Variants in STRA6 observed in about 807,000 individuals in gnomAD.
The protein encoded by STRA6 is signaling receptor and transporter of retinol STRA6, also known as receptor for retinol uptake STRA6.
In STRA6, 48 loss-of-function variants were observed where a neutral mutation model predicts 83.6. That is an observed-to-expected ratio of 0.57 (90% confidence interval 0.46 to 0.73). The LOEUF is 0.73. Ranked by LOEUF, STRA6 falls within the 30% of genes least tolerant of loss-of-function variation. The pLI is 0.00. For missense variants in STRA6, 760 were observed against 838.8 expected (o/e 0.91, Z 1.16); for synonymous variants, 353 against 362.3 (o/e 0.97, Z 0.29).
rs765240920 is a variant in STRA6, at chr15:74,193,913, A to G, written c.607T>C (p.Tyr203His). ...ECPQVPKIYK[Y>H]YSLLASLPLL... is the part of the protein sequence containing the mutation. ...GGCAGGGAGGCCAGCAGGGAGTAGTACTTGTAGATCTGGACAGACAAACAC... is the reference window on the plus strand; with the variant it reads ...GGCAGGGAGGCCAGCAGGGAGTAGTGCTTGTAGATCTGGACAGACAAACAC... Residue 203 changes from tyrosine to histidine, a missense_variant, in exon 8 of 19, where the codon TAC becomes CAC. Coordinates refer to ENST00000395105, the MANE Select transcript of STRA6 (RefSeq NM_022369.4). 3 of 1,613,320 alleles carry G rather than the reference A, an allele frequency of 1.9e-6. No homozygotes were observed. Among genetic ancestry groups the G allele is most frequent in the Non-Finnish European group, 2.5e-6 (3 of 1,179,508 alleles).
At chr15:74,198,176 G>A (rs542330524) in intron 2 of STRA6, among the ~76,000 whole-genome samples, 80 of 151,574 alleles carry the variant, frequency 5.3e-4, no homozygotes, top group African/African-American at 1.6e-3. Context: ...GCTCGATCTC[G>A]GCTTACTGCA....
upstream of STRA6, among the ~76,000 whole-genome samples, chr15:74,211,208 T>G (rs1436200932): frequency 6.6e-6 from 1 of 151,482 alleles, no homozygotes; most frequent in Non-Finnish European, 1.5e-5. Context: ...CCCAAGAACA[T>G]TCCTTCCTAG....
At chr15:74,197,643 A>T in intron 3 of STRA6, 109 bp downstream of exon 3, 2 of 1,408,932 alleles carry the variant, frequency 1.4e-6, no homozygotes, top group Non-Finnish European at 2.0e-6. Flanking sequence ...AGCTCCCCCC[A>T]CCCAGGATCT....
intron 12 of STRA6, among the ~76,000 whole-genome samples, chr15:74,186,941 G>A (rs946036073): frequency 1.2e-4 from 18 of 152,346 alleles, no homozygotes; most frequent in African/African-American, 4.3e-4. Context: ...AGAAACCTAG[G>A]CCCTTCTGCT....
In STRA6 at chr15:74,182,204, C is replaced by G. The variant is rs779317989; in HGVS notation, c.1477G>C (p.Val493Leu). 6.2e-7 allele frequency: 1 copy of G among 1,614,172 alleles called. No homozygotes were observed. The highest frequency in any genetic ancestry group is 8.5e-7 in the Non-Finnish European group (1 of 1,180,010). ...VILQNMAAHW[V>L]FLETHDGHPQ... The stretch of plus-strand genomic sequence containing the variant: ...TGTCCATCATGAGTCTCCAGGAAGA[C>G]CCAATGGGCTGCCATGTTCTGCAGG... The change falls in exon 16 of 19, where the codon GTC becomes CTC. Residue 493 changes from valine to leucine, a missense_variant. Physicochemically the swap from Val to Leu is conservative, Grantham distance 32 (BLOSUM62 1). Transcript: ENST00000395105.
At chr15:74,198,140 T>C (rs1355574102) in intron 2 of STRA6, among the ~76,000 whole-genome samples, 1 of 151,476 alleles carries the variant, frequency 6.6e-6, no homozygotes, top group Non-Finnish European at 1.5e-5. Context: ...AGGGTCTTGC[T>C]CTGTCACCCA....
chr15:74,189,372 C>G lies in STRA6; in HGVS notation c.928-95G>C, dbSNP rs969790778. 6 of 1,507,418 alleles carry G rather than the reference C, an allele frequency of 4.0e-6. No individual in the cohort carries two copies. In the African/African-American group the frequency reaches 8.3e-5, roughly 21 times the overall value. The allele number at this position is 1,507,418 out of a possible 1,614,324, so 93.4% of individuals were successfully genotyped here. A position where few individuals can be genotyped will look rare whatever the true frequency, so the allele number is the denominator to read the frequency against. ...GGAAGAAACTGGCAGCACACAGGCC[C>G]CAGCCACATGCCCATTGCCCATCAG... On this transcript the variant is annotated intron_variant, in intron 11 of 18. Transcript: ENST00000395105.
At chr15:74,197,528 T>G (rs1303246291) in intron 3 of STRA6, 105 bp from the exon 4 acceptor site, 8 of 1,123,306 alleles carry the variant, frequency 7.1e-6, no homozygotes, top group Non-Finnish European at 1.1e-5. Context: ...ACCTGCCCAG[T>G]GCACACTCAT....
upstream of STRA6, chr15:74,209,696 A>T (rs1477897533): frequency 4.1e-6 from 2 of 489,948 alleles, no homozygotes; most frequent in Non-Finnish European, 7.2e-6. Flanking sequence ...ATCCCCCCTC[A>T]CCTGAGCACA....
chr15:74,189,426 T>C (rs2073422048), intron 11 of STRA6, 149 bp from the exon 12 acceptor site: 1 of 1,200,946 alleles, frequency 8.3e-7, no homozygotes, highest in African/African-American at 1.5e-5. Context: ...AGAGCAGGGA[T>C]CTCACGCCTC....
chr15:74,187,013 A>C (rs1203000993), intron 12 of STRA6, among the ~76,000 whole-genome samples: 9 of 152,318 alleles, frequency 5.9e-5, no homozygotes, highest in Admixed American at 5.9e-4. Context: ...CAAGGTTGGG[A>C]GAAAGCACTG....
At chr15:74,185,124 C>CT (rs2073179591) in intron 12 of STRA6, 69 bp from the exon 13 acceptor site, 2 of 1,515,210 alleles carry the variant, frequency 1.3e-6, no homozygotes, top group Admixed American at 3.5e-5. Flanking sequence ...CTCAGAACCC[C>CT]TGCCAGGGTG....
chr15:74,208,736 C>A, intron 1 of STRA6: 2 of 988,084 alleles, frequency 2.0e-6, no homozygotes, highest in Non-Finnish European at 2.4e-6. Flanking sequence ...ACCCCATGTG[C>A]CTTCTCGCTG....
upstream of STRA6, among the ~76,000 whole-genome samples, chr15:74,211,174 CACACACA>C (rs2074363874): frequency 6.6e-6 from 1 of 151,846 alleles, no homozygotes; most frequent in Non-Finnish European, 1.5e-5. Flanking sequence ...CACACACACA[CACACACA>C]CCTCACTGCT....
At chr15:74,198,826 C>T (rs541760147) in intron 2 of STRA6, among the ~76,000 whole-genome samples, 2 of 152,366 alleles carry the variant, frequency 1.3e-5, no homozygotes, top group African/African-American at 2.4e-5. Flanking sequence ...AATGGTCCTG[C>T]ACTCACCCTG....
chr15:74,208,059 G>T lies in STRA6; in HGVS notation c.-16+741C>A, dbSNP rs1028612105. 4 of 1,284,390 alleles carry T rather than the reference G, an allele frequency of 3.1e-6. No homozygotes were observed. The African/African-American group carries it at 4.5e-5, about 14-fold the overall frequency. The allele number at this position is 1,284,390 out of a possible 1,614,324, so 79.6% of individuals were successfully genotyped here. Reference sequence around the variant, plus strand: ...CCAACAGCATCATCATAACATAAAGGATTTAGACCAGGCTGTTCTGGTATG... The same window carrying T: ...CCAACAGCATCATCATAACATAAAGTATTTAGACCAGGCTGTTCTGGTATG... On this transcript the variant is annotated intron_variant, in intron 1 of 18. Transcript: ENST00000323940.
chr15:74,205,491 A>G (rs1304593923), upstream of STRA6, among the ~76,000 whole-genome samples: 2 of 152,164 alleles, frequency 1.3e-5, no homozygotes, highest in Non-Finnish European at 2.9e-5. Context: ...TAGAGCGAGA[A>G]CTCACTCATT....
At chr15:74,189,301 C>T (rs764042759) in intron 11 of STRA6, 24 bp from the exon 12 acceptor site, 4 of 1,574,734 alleles carry the variant, frequency 2.5e-6, no homozygotes, top group Non-Finnish European at 3.4e-6. Context: ...ACAGTGAGGG[C>T]CCCATCCCAG....
intron 1 of STRA6, chr15:74,207,800 TCA>T: frequency 2.0e-6 from 3 of 1,534,664 alleles, no homozygotes; most frequent in South Asian, 1.2e-5. Flanking sequence ...CACAGCACAC[TCA>T]CACACACATC....
Sources: allele counts gnomAD v4.1 joint callset (sites outside exome capture counted in the v4.1 genomes callset), GRCh38; gene constraint gnomAD v4.1.1; transcripts MANE v1.5; gene names NCBI Gene and HGNC (gene_info 2026-07-23, HGNC 2026-07-21).